The following TTC3 variants were observed in gnomAD, a reference collection of about 807,000 sequenced individuals.
The protein encoded by TTC3 is E3 ubiquitin-protein ligase TTC3.
In TTC3, 180 loss-of-function variants were observed where a neutral mutation model predicts 249.6. That is an observed-to-expected ratio of 0.72 (90% CI 0.64 to 0.82). The LOEUF (loss-of-function observed/expected upper bound fraction) is 0.82. TTC3 is among the 40% of genes least tolerant of loss of function. The pLI is 0.00. For synonymous variants in TTC3, 717 were observed against 805.0 expected (o/e 0.89, Z 1.85); for missense variants, 2,061 against 2,398.4 (o/e 0.86, Z 2.94).
At chr21:37,073,588 G>C in intron 1 of TTC3, 115 bp downstream of exon 1, 1 of 803,540 alleles carries the variant, frequency 1.2e-6, no homozygotes, top group Non-Finnish European at 1.5e-6. Context: ...TACCCCAGTG[G>C]GTTTGCCCCC....
chr21:37,131,806 AAT>A (rs2077491870), intron 16 of TTC3, among the ~76,000 whole-genome samples: 1 of 152,050 alleles, frequency 6.6e-6, no homozygotes, highest in Non-Finnish European at 1.5e-5. Flanking sequence ...GAAAAATGAC[AAT>A]ATTTGGTATT....
exon 42 of TTC3, chr21:37,195,740 C>T (rs993957151): frequency 2.5e-6 from 4 of 1,614,094 alleles, no homozygotes; most frequent in South Asian, 1.1e-5. Context: ...CTTCTGCAAG[C>T]GACGTGACTG....
chr21:37,192,483 TTCTA>T (rs944686844), intron 41 of TTC3, among the ~76,000 whole-genome samples: 5 of 80,874 alleles, frequency 6.2e-5, no homozygotes, highest in Non-Finnish European at 1.2e-4. Context: ...TTGGCCTGTC[TTCTA>T]TCTTTGTGTG....
At chr21:37,121,917 A>T (rs753850350) in exon 12 of TTC3, 1 of 1,613,052 alleles carries the variant, frequency 6.2e-7, no homozygotes, top group East Asian at 2.2e-5. Context: ...AATGACCCTG[A>T]GGGAATCAAG....
intron 35 of TTC3, among the ~76,000 whole-genome samples, chr21:37,173,514 C>T: frequency 6.6e-6 from 1 of 152,174 alleles, no homozygotes; most frequent in East Asian, 1.9e-4. Context: ...AAAATGGAAT[C>T]ACAGATGTGA....
intron 28 of TTC3, chr21:37,158,081 AAGTTCTT>A: frequency 1.0e-6 from 1 of 981,210 alleles, no homozygotes; most frequent in South Asian, 4.7e-5. Context: ...TTGACAACAA[AAGTTCTT>A]AGAAAAGAGC....
intron 16 of TTC3, among the ~76,000 whole-genome samples, chr21:37,131,898 C>T (rs1395367572): frequency 2.0e-5 from 3 of 152,152 alleles, no homozygotes; most frequent in African/African-American, 4.8e-5. Flanking sequence ...TTACTCTCAC[C>T]AACTTAGGGA....
intron 44 of TTC3, among the ~76,000 whole-genome samples, chr21:37,198,310 C>G (rs1011212022): frequency 2.6e-5 from 4 of 152,154 alleles, no homozygotes; most frequent in African/African-American, 7.2e-5. Context: ...CTCTCTTGCC[C>G]TTGTTTTGCT....
chr21:37,196,237 CT>C (rs35693053), intron 42 of TTC3, among the ~76,000 whole-genome samples: 59,172 of 119,794 alleles, frequency 0.49, 12,260 homozygotes, highest in African/African-American at 0.6. Context: ...TTTTTTCTTT[CT>C]TTTTTTTTTT....
chr21:37,144,099 G>C (rs890574432), intron 20 of TTC3, among the ~76,000 whole-genome samples: 1 of 151,724 alleles, frequency 6.6e-6, no homozygotes, highest in African/African-American at 2.4e-5. Flanking sequence ...GTTGTGAGGT[G>C]GGGGGAGGGG....
chr21:37,190,977 T>C (rs1434282685), intron 39 of TTC3, among the ~76,000 whole-genome samples: 2 of 152,198 alleles, frequency 1.3e-5, no homozygotes, highest in Non-Finnish European at 2.9e-5. Context: ...TTTTGAATGT[T>C]TCAGACTACC....
chr21:37,168,688 ATTAGTTATGTATATT>A (rs2081456678), intron 34 of TTC3, among the ~76,000 whole-genome samples: 1 of 151,982 alleles, frequency 6.6e-6, no homozygotes, highest in South Asian at 2.1e-4. Flanking sequence ...AACAGGGCAA[ATTAGTTATGTATATT>A]GCTGTATATA....
At position 37,195,896 on chromosome 21, in the gene TTC3, A is replaced by C. The variant is rs905147606; in HGVS notation, c.5439A>C (p.Ala1813=). ...CAGGGCCAAAACGGGCTGGCCAGGCAGCTCTGTCAGAACGAAGCCCTGTGG... is the reference window on the plus strand; with the variant it reads ...CAGGGCCAAAACGGGCTGGCCAGGCCGCTCTGTCAGAACGAAGCCCTGTGG... The change falls in exon 42 of 46, where the codon GCA becomes GCC. Residue 1813 remains alanine, a synonymous_variant. Coordinates refer to ENST00000355666, the Ensembl canonical transcript of TTC3. The C allele has an allele frequency of 1.9e-6, 3 of 1,614,132 alleles. No homozygotes were observed. The African/African-American group carries it at 4.0e-5, about 22-fold the overall frequency.
chr21:37,147,691 G>C, intron 22 of TTC3, 88 bp downstream of exon 22: 3 of 1,456,564 alleles, frequency 2.1e-6, no homozygotes, highest in Non-Finnish European at 2.7e-6. Context: ...AGGCACCCAA[G>C]TTCTCTGGCT....
chr21:37,122,768 CAT>C (rs1302713811), intron 12 of TTC3, among the ~76,000 whole-genome samples: 11 of 152,156 alleles, frequency 7.2e-5, no homozygotes, highest in African/African-American at 1.9e-4. Context: ...TCAATGATCA[CAT>C]GTGATGGAAT....
chr21:37,144,857 T>C (rs938071765), intron 21 of TTC3, among the ~76,000 whole-genome samples: 8 of 152,178 alleles, frequency 5.3e-5, no homozygotes, highest in Non-Finnish European at 8.8e-5. Flanking sequence ...TTAATCCTTA[T>C]AGCAGCCCCG....
rs185509589 is a variant in TTC3, at chr21:37,124,146, C to G, written c.1110-473C>G. 8.2e-3 allele frequency among the ~76,000 whole-genome samples: 587 copies of G among 71,452 alleles called. 3 individuals carry two copies. The highest frequency in any genetic ancestry group is 0.032 in the African/African-American group (570 of 17,814). 46.9% of individuals were successfully genotyped at this position (71,452 alleles called of 152,430 possible). A position where few individuals can be genotyped will look rare whatever the true frequency, so the allele number is the denominator to read the frequency against. ...TTTTTTTTTTTTTTTGAGACAGTCTCCCTCTGTCACCTAGGCTGGAGTGCA... is the reference window on the plus strand; with the variant it reads ...TTTTTTTTTTTTTTTGAGACAGTCTGCCTCTGTCACCTAGGCTGGAGTGCA... On this transcript the variant is annotated intron_variant, in intron 13 of 45. Coordinates refer to ENST00000355666, the Ensembl canonical transcript of TTC3.
intron 21 of TTC3, among the ~76,000 whole-genome samples, chr21:37,147,224 A>T (rs994768338): frequency 6.6e-6 from 1 of 152,172 alleles, no homozygotes; most frequent in African/African-American, 2.4e-5. Context: ...TGATTGTAAC[A>T]GGACAAAATT....
chr21:37,119,800 T>C, intron 11 of TTC3, among the ~76,000 whole-genome samples: 1 of 152,220 alleles, frequency 6.6e-6, no homozygotes. Flanking sequence ...CAAGTCCTTA[T>C]TACTTCATTT....
Sources: gnomAD v4.1 joint callset for allele counts (sites outside exome capture counted in the v4.1 genomes callset) on GRCh38, gnomAD v4.1.1 for gene constraint, MANE v1.5 for transcripts, NCBI Gene and HGNC (gene_info 2026-07-23, HGNC 2026-07-21) for gene names.